PCSK5: variants seen among roughly 807,000 people sequenced by gnomAD.
PCSK5 encodes proprotein convertase subtilisin/kexin type 5.
Under a neutral mutation model 233.2 loss-of-function variants are expected in PCSK5, and 129 were observed. That is an observed-to-expected ratio of 0.55 (90% CI 0.48 to 0.64). The LOEUF is 0.64. Among genes scored for constraint, PCSK5 ranks in the 30% least tolerant of loss-of-function variants. The pLI is 0.00. For missense variants in PCSK5, 2,076 were observed against 2,430.1 expected (o/e 0.85, Z 3.06); for synonymous variants, 825 against 879.2 (o/e 0.94, Z 1.09).
intron 1 of PCSK5, among the ~76,000 whole-genome samples, chr9:75,928,418 A>G (rs1030782847): frequency 2.0e-5 from 3 of 151,688 alleles, no homozygotes; most frequent in African/African-American, 7.3e-5. Context: ...TGCTGTTTTC[A>G]TACACTGCCT....
chr9:76,207,082 A>T (rs1208748210), intron 20 of PCSK5, among the ~76,000 whole-genome samples: 1 of 152,120 alleles, frequency 6.6e-6, no homozygotes, highest in African/African-American at 2.4e-5. Context: ...AGTGAGAGAG[A>T]TTAGATCACC....
chr9:76,121,719 G>T (rs1266410242), intron 9 of PCSK5, among the ~76,000 whole-genome samples: 1 of 151,882 alleles, frequency 6.6e-6, no homozygotes, highest in Non-Finnish European at 1.5e-5. Flanking sequence ...CTTGGGATCA[G>T]AGTTCTCGCA....
intron 24 of PCSK5, among the ~76,000 whole-genome samples, chr9:76,262,742 A>G (rs1827218070): frequency 6.6e-6 from 1 of 151,134 alleles, no homozygotes; most frequent in African/African-American, 2.4e-5. Flanking sequence ...CTAAAACACC[A>G]AAAGCAATGG....
At chr9:75,932,623 G>A in intron 2 of PCSK5, 140 bp downstream of exon 2, 1 of 621,660 alleles carries the variant, frequency 1.6e-6, no homozygotes, top group Admixed American at 3.0e-5. Context: ...TAGTGTCTAT[G>A]CTTCCTCTTT....
At chr9:76,237,365 A>G (rs1395032991) in intron 22 of PCSK5, among the ~76,000 whole-genome samples, 1 of 152,224 alleles carries the variant, frequency 6.6e-6, no homozygotes, top group African/African-American at 2.4e-5. Flanking sequence ...CCTCTGTGGA[A>G]GCCCTTTTTA....
chr9:76,260,465 A>G (rs1006819942), intron 24 of PCSK5, among the ~76,000 whole-genome samples: 1 of 152,254 alleles, frequency 6.6e-6, no homozygotes, highest in East Asian at 1.9e-4. Context: ...TCAGAAAGAC[A>G]GACGAGACAG....
chr9:75,932,946 C>A (rs1823876402), intron 2 of PCSK5, among the ~76,000 whole-genome samples: 1 of 152,154 alleles, frequency 6.6e-6, no homozygotes, highest in Admixed American at 6.5e-5. Flanking sequence ...ACACCATTGG[C>A]AGCCTCAGGA....
intron 35 of PCSK5, among the ~76,000 whole-genome samples, chr9:76,339,105 C>A (rs1829760506): frequency 6.6e-6 from 1 of 151,818 alleles, no homozygotes; most frequent in South Asian, 2.1e-4. Context: ...CTCAATCTTG[C>A]CCCCACACCA....
chr9:76,082,388 G>T (rs2131622410), intron 7 of PCSK5, among the ~76,000 whole-genome samples: 2 of 152,318 alleles, frequency 1.3e-5, no homozygotes, highest in South Asian at 4.1e-4. Context: ...CCCAGGGTTT[G>T]TGTCAGAATA....
intron 5 of PCSK5, among the ~76,000 whole-genome samples, chr9:76,049,479 G>A (rs866475023): frequency 3.9e-5 from 6 of 152,194 alleles, no homozygotes; most frequent in African/African-American, 9.6e-5. Context: ...CCGCAGTTGC[G>A]TGGTGTAGCT....
In PCSK5 at chr9:76,187,560, A is replaced by G. The variant is rs544831519; in HGVS notation, c.2283-1018A>G. On this transcript the variant is annotated intron_variant, in intron 17 of 37. Transcript: ENST00000674117. ...TTAGCCTTTGTAGAGATGGCGTCTG[A>G]CTGTGTTGCCCAGGCTAGTCTCAAA... Among the ~76,000 whole-genome samples, 5 of 152,072 alleles carry G rather than the reference A, an allele frequency of 3.3e-5. No individual in the cohort carries two copies. The East Asian group carries it at 7.8e-4, about 24-fold the overall frequency.
intron 7 of PCSK5, among the ~76,000 whole-genome samples, chr9:76,074,046 A>G (rs1273458755): frequency 6.6e-6 from 1 of 152,220 alleles, no homozygotes; most frequent in Non-Finnish European, 1.5e-5. Flanking sequence ...AAAGTAAACT[A>G]TGCTTATTGG....
At chr9:76,054,193 A>C (rs1292857023) in intron 5 of PCSK5, among the ~76,000 whole-genome samples, 1 of 152,172 alleles carries the variant, frequency 6.6e-6, no homozygotes. Context: ...CCGAGGATGC[A>C]TGGGGATTAT....
chr9:76,072,013 G>A (rs1365869783), intron 7 of PCSK5, 115 bp downstream of exon 7: 2 of 957,642 alleles, frequency 2.1e-6, no homozygotes, highest in Non-Finnish European at 3.0e-6. Context: ...CCTAGGCTGA[G>A]CCAGCAGGTA....
Position 76,321,552 on chromosome 9 carries a change from T to G in PCSK5, c.4015T>G (p.Cys1339Gly). Residue 1339 changes from cysteine (C) to glycine (G), a missense_variant, in exon 31 of 38, where the codon TGC becomes GGC. Cys to Gly is a radical substitution (Grantham distance 159). This residue lies in a region of PCSK5 where 1,510 missense variants were observed against 1,538.1 expected (regional missense o/e 0.98). Transcript: ENST00000674117. ...GCACCACGGAGTGTGCCAGGAAAAC[T>G]GCCCCGAGAGGCACGTGGCTGTGAA... is the stretch of plus-strand genomic sequence containing the variant. ...VLHHGVCQEN[C>G]PERHVAVKGV... 6.2e-7 allele frequency: 1 copy of G among 1,612,698 alleles called. No individual in the cohort carries two copies. The highest frequency in any genetic ancestry group is 8.5e-7 in the Non-Finnish European group (1 of 1,179,710).
chr9:76,179,847 C>G, intron 15 of PCSK5, 149 bp downstream of exon 15: 1 of 598,622 alleles, frequency 1.7e-6, no homozygotes. Flanking sequence ...GGCTGCTGTG[C>G]AGGCCGACTG....
At position 76,323,172 on chromosome 9, in the gene PCSK5, C is replaced by T. The variant is rs758157816; in HGVS notation, c.4223C>T (p.Pro1408Leu). ...CHKDCLECSGPKADDCELCLE... is the reference protein window; with the variant it reads ...CHKDCLECSGLKADDCELCLE... ...AAAGACTGTCTGGAGTGCAGTGGCCCCAAAGCCGACGACTGCGAGCTCTGT... is the reference window on the plus strand; with the variant it reads ...AAAGACTGTCTGGAGTGCAGTGGCCTCAAAGCCGACGACTGCGAGCTCTGT... The change falls in exon 32 of 38, where the codon CCC (proline) becomes CTC (leucine). Residue 1408 changes from proline to leucine, a missense_variant. Physicochemically the swap from Pro to Leu is moderately conservative, Grantham distance 98. Coordinates refer to ENST00000674117, the MANE Select transcript of PCSK5 (RefSeq NM_001372043.1). The T allele has an allele frequency of 6.2e-7, 1 of 1,612,640 alleles. No homozygotes were observed. The highest frequency in any genetic ancestry group is 1.7e-5 in the Admixed American group (1 of 59,988).
chr9:75,986,291 T>G, intron 3 of PCSK5, 46 bp downstream of exon 3: 12 of 1,077,752 alleles, frequency 1.1e-5, no homozygotes, highest in South Asian at 3.7e-5. Flanking sequence ...TCATCCGGTT[T>G]TGTGTTGTAT....
At chr9:76,082,082 C>G (rs1830863581) in intron 7 of PCSK5, among the ~76,000 whole-genome samples, 1 of 151,840 alleles carries the variant, frequency 6.6e-6, no homozygotes, top group Admixed American at 6.6e-5. Flanking sequence ...CAAGGAACAT[C>G]CTAGGCTTCT....
Sources: allele counts gnomAD v4.1 joint callset (sites outside exome capture counted in the v4.1 genomes callset), GRCh38; gene constraint gnomAD v4.1.1; regional missense constraint gnomAD v4.1.1; transcripts MANE v1.5; gene names NCBI Gene and HGNC (gene_info 2026-07-23, HGNC 2026-07-21).